ADGRL3: variants seen among roughly 807,000 people sequenced by gnomAD.
The protein encoded by ADGRL3 is calcium-independent alpha-latrotoxin receptor 3.
A neutral mutation model predicts 153.5 loss-of-function variants in ADGRL3; 62 were observed. The ratio of observed to expected loss-of-function variants is 0.40; its 90% CI spans 0.33 to 0.50. The LOEUF (loss-of-function observed/expected upper bound fraction) is 0.50. Among genes scored for constraint, ADGRL3 ranks in the 20% least tolerant of loss-of-function variants. The pLI, the probability that ADGRL3 is intolerant of heterozygous loss-of-function variation, is 0.47. For synonymous variants in ADGRL3, 710 were observed against 672.5 expected (o/e 1.06, Z -0.86); for missense variants, 1,641 against 1,859.4 (o/e 0.88, Z 2.16).
chr4:61,354,249 G>A (rs1007719629), intron 1 of ADGRL3, among the ~76,000 whole-genome samples: 2 of 152,110 alleles, frequency 1.3e-5, no homozygotes, highest in Non-Finnish European at 2.9e-5. Context: ...TGAAAGATTA[G>A]GGATGGGATC....
chr4:61,428,134 T>A (rs1381110695), intron 2 of ADGRL3: 1 of 152,600 alleles, frequency 6.6e-6, no homozygotes, highest in Non-Finnish European at 1.5e-5. Flanking sequence ...TGAGCTGGGG[T>A]CCAAGGGGAG....
chr4:61,308,046 C>G (rs1406602048), intron 1 of ADGRL3, among the ~76,000 whole-genome samples: 1 of 152,138 alleles, frequency 6.6e-6, no homozygotes, highest in Non-Finnish European at 1.5e-5. Flanking sequence ...GAATAAAGAT[C>G]TCTCTGAAAA....
intron 1 of ADGRL3, among the ~76,000 whole-genome samples, chr4:61,287,800 A>T (rs1336645740): frequency 2.0e-5 from 3 of 151,882 alleles, no homozygotes; most frequent in Non-Finnish European, 4.4e-5. Context: ...TTATCCCTGG[A>T]TGGGTGTGAG....
chr4:61,895,626 A>C, intron 10 of ADGRL3, 105 bp from the exon 11 acceptor site: 9 of 601,750 alleles, frequency 1.5e-5, no homozygotes, highest in Non-Finnish European at 2.3e-5. Context: ...TAAACATTAT[A>C]TCAATTTAAT....
intron 17 of ADGRL3, among the ~76,000 whole-genome samples, chr4:61,973,844 A>G (rs1267001562): frequency 6.6e-6 from 1 of 152,182 alleles, no homozygotes; most frequent in African/African-American, 2.4e-5. Context: ...CAAATGAATT[A>G]GTATTTTTCT....
At chr4:61,594,370 C>T (rs551376620) in intron 5 of ADGRL3, among the ~76,000 whole-genome samples, 1 of 152,002 alleles carries the variant, frequency 6.6e-6, no homozygotes, top group African/African-American at 2.4e-5. Context: ...TATAGGTGTT[C>T]TTCAGTGTTT....
chr4:61,768,544 G>T (rs905387460), intron 8 of ADGRL3, among the ~76,000 whole-genome samples: 1 of 152,030 alleles, frequency 6.6e-6, no homozygotes. Flanking sequence ...TTTACGACAA[G>T]AATTATTTAG....
intron 6 of ADGRL3, among the ~76,000 whole-genome samples, chr4:61,689,657 A>AT (rs1378604314): frequency 6.6e-6 from 1 of 152,122 alleles, no homozygotes; most frequent in African/African-American, 2.4e-5. Flanking sequence ...TTTAATTGAA[A>AT]TTTGCATTCT....
At chr4:61,827,741 TC>T (rs1291888167) in intron 9 of ADGRL3, among the ~76,000 whole-genome samples, 2 of 152,192 alleles carry the variant, frequency 1.3e-5, no homozygotes, top group Non-Finnish European at 2.9e-5. Context: ...AGAGAGAAAT[TC>T]CTTGATTTCT....
chr4:61,843,523 T>C (rs749086153), intron 9 of ADGRL3, among the ~76,000 whole-genome samples: 2 of 152,174 alleles, frequency 1.3e-5, no homozygotes, highest in Non-Finnish European at 1.5e-5. Flanking sequence ...GGAGCCATTG[T>C]GGATCACAAA....
At chr4:61,621,278 G>T (rs1468755267) in intron 5 of ADGRL3, among the ~76,000 whole-genome samples, 2 of 152,016 alleles carry the variant, frequency 1.3e-5, no homozygotes, top group Non-Finnish European at 2.9e-5. Context: ...AGGCCTTGAT[G>T]TTACAATGAA....
chr4:61,307,338 T>G (rs991029947), intron 1 of ADGRL3, among the ~76,000 whole-genome samples: 2 of 152,196 alleles, frequency 1.3e-5, no homozygotes, highest in Admixed American at 6.5e-5. Flanking sequence ...TGTCTAACCT[T>G]ATGTTCAAAT....
At chr4:61,363,721 A>G (rs1414430739) in intron 1 of ADGRL3, among the ~76,000 whole-genome samples, 3 of 152,104 alleles carry the variant, frequency 2.0e-5, no homozygotes, top group African/African-American at 7.2e-5. Context: ...GTTTTGTGCC[A>G]ATTGTGTGCT....
intron 2 of ADGRL3, among the ~76,000 whole-genome samples, chr4:61,447,685 G>A (rs1053251273): frequency 1.3e-5 from 2 of 152,096 alleles, no homozygotes; most frequent in East Asian, 1.9e-4. Context: ...ATCAATTTTT[G>A]TATAATCTGT....
chr4:62,050,678 A>T (rs1485774000), intron 25 of ADGRL3, among the ~76,000 whole-genome samples: 1 of 152,038 alleles, frequency 6.6e-6, no homozygotes, highest in African/African-American at 2.4e-5. Context: ...AGGGCAAAAC[A>T]CTCATACTCA....
chr4:62,053,470 T>C (rs973457907), intron 25 of ADGRL3, among the ~76,000 whole-genome samples: 1 of 151,538 alleles, frequency 6.6e-6, no homozygotes, highest in Non-Finnish European at 1.5e-5. Flanking sequence ...TAACAAGGAA[T>C]GTGGCCGCTT....
chr4:61,220,923 T>C (rs1479851547), intron 1 of ADGRL3, among the ~76,000 whole-genome samples: 1 of 152,234 alleles, frequency 6.6e-6, no homozygotes, highest in Non-Finnish European at 1.5e-5. Context: ...ACATAATATA[T>C]ATGGACTGTA....
intron 1 of ADGRL3, among the ~76,000 whole-genome samples, chr4:61,286,792 C>T (rs985070162): frequency 2.6e-5 from 4 of 151,470 alleles, no homozygotes; most frequent in African/African-American, 9.7e-5. Flanking sequence ...AGAAAGGGGA[C>T]CACACACACA....
chr4:61,731,974 T>C (rs1296581811), intron 7 of ADGRL3, among the ~76,000 whole-genome samples: 2 of 152,196 alleles, frequency 1.3e-5, no homozygotes, highest in Non-Finnish European at 2.9e-5. Flanking sequence ...TCTTGGGTTT[T>C]AATGCTCTTC....
Sources: gnomAD v4.1 joint callset for allele counts (sites outside exome capture counted in the v4.1 genomes callset) on GRCh38, gnomAD v4.1.1 for gene constraint, MANE v1.5 for transcripts, NCBI Gene and HGNC (gene_info 2026-07-23, HGNC 2026-07-21) for gene names.